The following CEP112 variants were observed in gnomAD, a reference collection of about 807,000 sequenced individuals.
CEP112 encodes centrosomal protein 112.
In CEP112, 127 loss-of-function variants were observed where a neutral mutation model predicts 153.0. The observed-to-expected ratio is 0.83, with a 90% CI of 0.72 to 0.96. The LOEUF (loss-of-function observed/expected upper bound fraction) is 0.96, where lower values mean the gene tolerates loss of function less well. CEP112 is among the 40% of genes least tolerant of loss of function. CEP112 has a pLI of 0.00. For missense variants in CEP112, 1,089 were observed against 1,101.2 expected, an observed-to-expected ratio of 0.99 and a Z score of 0.16; for synonymous variants, 358 against 374.4, an observed-to-expected ratio of 0.96 and a Z score of 0.51.
chr17:66,116,005 CTG>C (rs1568507475), intron 6 of CEP112, among the ~76,000 whole-genome samples: 1 of 152,166 alleles, frequency 6.6e-6, no homozygotes, highest in East Asian at 1.9e-4. Flanking sequence ...GAAGGCCACA[CTG>C]AGTACAATGG....
intron 23 of CEP112, among the ~76,000 whole-genome samples, chr17:65,730,203 A>G (rs1424600371): frequency 2.0e-5 from 3 of 152,226 alleles, no homozygotes; most frequent in Non-Finnish European, 4.4e-5. Flanking sequence ...GACTAGTTTT[A>G]AAATAAAATA....
At chr17:65,669,179 T>C (rs1395890573) in intron 24 of CEP112, among the ~76,000 whole-genome samples, 1 of 152,230 alleles carries the variant, frequency 6.6e-6, no homozygotes, top group Non-Finnish European at 1.5e-5. Context: ...TGACTTCGCC[T>C]GGTGTTAAGA....
At position 65,692,294 on chromosome 17, in the gene CEP112, T is replaced by C. The variant is rs232129; in HGVS notation, c.2608-3076A>G. On this transcript the variant is annotated intron_variant, in intron 23 of 26. Transcript: ENST00000535342. ...CCCAGGCTGGAGTGCAGTGGCACAA[T>C]CTCGACTCATTGCGACCTCCACCTC... Among the ~76,000 whole-genome samples, 1,348 of 145,086 alleles carry C rather than the reference T, an allele frequency of 9.3e-3. 16 individuals carry two copies. The highest frequency in any genetic ancestry group is 0.033 in the African/African-American group (1,280 of 39,268).
intron 18 of CEP112, among the ~76,000 whole-genome samples, chr17:65,949,001 G>A (rs2061732807): frequency 6.6e-6 from 1 of 152,010 alleles, no homozygotes; most frequent in African/African-American, 2.4e-5. Context: ...GAACAGAAAA[G>A]GAAGACTTAA....
intron 21 of CEP112, among the ~76,000 whole-genome samples, chr17:65,805,569 C>T (rs1266947468): frequency 3.9e-5 from 6 of 152,134 alleles, no homozygotes; most frequent in Non-Finnish European, 5.9e-5. Flanking sequence ...GTAAGTAGAG[C>T]GTGCTAGAAA....
chr17:65,830,802 C>T (rs766897289), intron 21 of CEP112, among the ~76,000 whole-genome samples: 1 of 152,196 alleles, frequency 6.6e-6, no homozygotes, highest in Non-Finnish European at 1.5e-5. Flanking sequence ...GGCAGGTCAG[C>T]AAGGTAGTTC....
At position 65,934,696 on chromosome 17, in the gene CEP112, T is replaced by C. The variant is rs548925232; in HGVS notation, c.1873-7007A>G. On this transcript the variant is annotated intron_variant, in intron 18 of 26. Transcript: ENST00000535342. ...ACTAAAAGCGAAGGGATAGAAAAGA[T>C]ATTTCATGCAAATAGAAATGAAAAG... Among the ~76,000 whole-genome samples, 23 of 152,344 alleles carry C rather than the reference T, an allele frequency of 1.5e-4. No homozygotes were observed. In the South Asian group the frequency reaches 4.8e-3, roughly 32 times the overall value.
chr17:65,768,318 T>C (rs2053125387), intron 21 of CEP112, among the ~76,000 whole-genome samples: 1 of 152,068 alleles, frequency 6.6e-6, no homozygotes, highest in Non-Finnish European at 1.5e-5. Flanking sequence ...CGTGACATCT[T>C]GATGTTGAGT....
chr17:66,087,288 T>C (rs1448199709), intron 8 of CEP112, among the ~76,000 whole-genome samples: 1 of 152,204 alleles, frequency 6.6e-6, no homozygotes, highest in African/African-American at 2.4e-5. Context: ...CTGCCCCAAG[T>C]TGTCATCAAC....
intron 21 of CEP112, among the ~76,000 whole-genome samples, chr17:65,754,915 C>A (rs945940376): frequency 3.9e-5 from 6 of 151,976 alleles, no homozygotes; most frequent in African/African-American, 1.5e-4. Flanking sequence ...GGGCGGGACC[C>A]ACTGGAGCCT....
intron 25 of CEP112, among the ~76,000 whole-genome samples, chr17:65,638,781 C>A (rs1016883116): frequency 2.6e-5 from 4 of 152,182 alleles, no homozygotes; most frequent in African/African-American, 4.8e-5. Flanking sequence ...GGCCCTATCG[C>A]AGCTGGCAGC....
intron 20 of CEP112, 67 bp downstream of exon 20, chr17:65,902,085 A>C: frequency 8.2e-7 from 1 of 1,224,854 alleles, no homozygotes; most frequent in Non-Finnish European, 1.2e-6. Flanking sequence ...GAATAATAAG[A>C]AAACATTAAA....
At chr17:66,078,860 CTG>C (rs780240616) in intron 8 of CEP112, among the ~76,000 whole-genome samples, 1 of 152,120 alleles carries the variant, frequency 6.6e-6, no homozygotes, top group African/African-American at 2.4e-5. Flanking sequence ...CTGAAAAAGA[CTG>C]TACTTGTCTT....
intron 21 of CEP112, among the ~76,000 whole-genome samples, chr17:65,763,333 C>CAGAT (rs2052729174): frequency 6.6e-6 from 1 of 151,954 alleles, no homozygotes; most frequent in Non-Finnish European, 1.5e-5. Context: ...TCTGAGCTTA[C>CAGAT]AGATCTGTGG....
At chr17:66,092,691 ATCCC>A (rs1320381818) in intron 8 of CEP112, among the ~76,000 whole-genome samples, 2 of 152,332 alleles carry the variant, frequency 1.3e-5, no homozygotes, top group East Asian at 3.9e-4. Context: ...AGTGGAATTC[ATCCC>A]AAGAATATAA....
At chr17:66,034,055 C>A (rs1191555086) in intron 12 of CEP112, among the ~76,000 whole-genome samples, 1 of 151,900 alleles carries the variant, frequency 6.6e-6, no homozygotes, top group African/African-American at 2.4e-5. Context: ...GATTGCAAGA[C>A]TTGAATGTGT....
intron 21 of CEP112, among the ~76,000 whole-genome samples, chr17:65,843,960 A>T (rs944908442): frequency 6.6e-6 from 1 of 152,178 alleles, no homozygotes; most frequent in East Asian, 1.9e-4. Flanking sequence ...TGCCAAAGAT[A>T]TTTGCCACAA....
At chr17:66,030,296 T>C (rs570070594) in intron 12 of CEP112, among the ~76,000 whole-genome samples, 2 of 152,334 alleles carry the variant, frequency 1.3e-5, no homozygotes, top group East Asian at 1.9e-4. Context: ...TTCAAGAATG[T>C]AGATACATAG....
In CEP112 at chr17:66,183,295, T is replaced by G. The variant is rs2072792951; in HGVS notation, c.5A>C (p.Glu2Ala). The G allele has an allele frequency of 6.2e-7, 1 of 1,604,874 alleles. No individual in the cohort carries two copies. The highest frequency in any genetic ancestry group is 2.2e-5 in the East Asian group (1 of 44,722). M[E>A]VGSEEEKWEK... ...CCATTTTTCTTCTTCACTTCCCACTTCCATAATCCAATCTGTAAAAGATTT... is the reference window on the plus strand; with the variant it reads ...CCATTTTTCTTCTTCACTTCCCACTGCCATAATCCAATCTGTAAAAGATTT... The change falls in exon 2 of 27, where the codon GAA (glutamate) becomes GCA (alanine). Residue 2 changes from glutamate to alanine, a missense_variant. Transcript: ENST00000535342.
Sources: gnomAD v4.1 joint callset for allele counts (sites outside exome capture counted in the v4.1 genomes callset) on GRCh38, gnomAD v4.1.1 for gene constraint, MANE v1.5 for transcripts, NCBI Gene and HGNC (gene_info 2026-07-23, HGNC 2026-07-21) for gene names.